SMCHD1: variants seen among roughly 807,000 people sequenced by gnomAD.
The protein encoded by SMCHD1 is structural maintenance of chromosomes flexible hinge domain containing 1.
A neutral mutation model predicts 254.7 loss-of-function variants in SMCHD1; 78 were observed. The observed-to-expected ratio is 0.31, with a 90% CI of 0.26 to 0.37. SMCHD1 has a LOEUF of 0.37. Ranked by LOEUF, SMCHD1 falls within the 10% of genes least tolerant of loss-of-function variation. The pLI is 1.00. For missense variants in SMCHD1, 1,840 were observed against 2,408.1 expected (o/e 0.76, Z 4.94); for synonymous variants, 766 against 794.9 (o/e 0.96, Z 0.61).
intron 37 of SMCHD1, among the ~76,000 whole-genome samples, chr18:2,766,255 A>C (rs765701194): frequency 2.0e-5 from 3 of 152,164 alleles, no homozygotes; most frequent in Non-Finnish European, 4.4e-5. Flanking sequence ...GGCCTCCCAA[A>C]GTGCTGGGAT....
intron 1 of SMCHD1, among the ~76,000 whole-genome samples, chr18:2,659,175 T>C (rs2073170359): frequency 6.6e-6 from 1 of 152,228 alleles, no homozygotes; most frequent in African/African-American, 2.4e-5. Context: ...TGGAGTGCAG[T>C]GGTGCCATCT....
chr18:2,715,450 T>TTA (rs56855019), intron 17 of SMCHD1, among the ~76,000 whole-genome samples: 2,878 of 152,226 alleles, frequency 0.019, 66 homozygotes, highest in African/African-American at 0.064. Flanking sequence ...AGTTCTTTTT[T>TTA]AAAAAAACAA....
intron 24 of SMCHD1, 85 bp downstream of exon 24, chr18:2,729,494 T>C: frequency 9.6e-7 from 1 of 1,038,296 alleles, no homozygotes; most frequent in Non-Finnish European, 1.3e-6. Context: ...TTTTGCAAAA[T>C]TGTTAACTTC....
At chr18:2,761,577 G>C (rs965091413) in intron 35 of SMCHD1, among the ~76,000 whole-genome samples, 7 of 152,284 alleles carry the variant, frequency 4.6e-5, no homozygotes, top group African/African-American at 1.7e-4. Context: ...AGCAGTTTGG[G>C]AGGCCGAGGT....
Position 2,776,661 on chromosome 18 carries a change from G to A in SMCHD1, c.5366+737G>A, listed in dbSNP as rs778875382. ...CAGATTACTAAACAAAGCTTTTCAC[G>A]GCCTGTAATTGCATAGGAATGGGGA... On this transcript the variant is annotated intron_variant, in intron 42 of 47. Transcript: ENST00000320876. Among the ~76,000 whole-genome samples the A allele has an allele frequency of 1.1e-3, 162 of 152,126 alleles. 2 individuals carry two copies. Among genetic ancestry groups the A allele is most frequent in the Admixed American group, 4.0e-3 (61 of 15,278 alleles).
chr18:2,709,261 T>C (rs1011101410), intron 17 of SMCHD1, among the ~76,000 whole-genome samples: 1 of 151,024 alleles, frequency 6.6e-6, no homozygotes, highest in Non-Finnish European at 1.5e-5. Flanking sequence ...CACACACACA[T>C]GTATACACAT....
At chr18:2,703,626 C>A in intron 12 of SMCHD1, 66 bp from the exon 13 acceptor site, 14 of 1,311,886 alleles carry the variant, frequency 1.1e-5, no homozygotes, top group Non-Finnish European at 1.5e-5. Flanking sequence ...AAATGAATGA[C>A]AAATGTTTAT....
At chr18:2,701,450 C>T (rs1345517651) in intron 12 of SMCHD1, among the ~76,000 whole-genome samples, 3 of 152,104 alleles carry the variant, frequency 2.0e-5, no homozygotes, top group Non-Finnish European at 2.9e-5. Flanking sequence ...CATGAGCCAT[C>T]GCACCCAGCC....
chr18:2,724,959 T>C lies in SMCHD1; in HGVS notation c.2664T>C (p.Val888=). The change falls in exon 21 of 48, where the codon GTT becomes GTC. Residue 888 remains valine, a synonymous_variant. Transcript: ENST00000320876. ...TKGPNCVIRG[V]TAKGPVNSCQ... is the part of the protein sequence containing the mutation. ...GACCAAATTGTGTAATTCGAGGTGT[T>C]ACAGCCAAGGGCCCTGTAAACTCTT... is the stretch of plus-strand genomic sequence containing the variant. 2 of 1,593,342 alleles carry C rather than the reference T, an allele frequency of 1.3e-6. No individual in the cohort carries two copies. The highest frequency in any genetic ancestry group is 1.7e-6 in the Non-Finnish European group (2 of 1,167,184).
intron 28 of SMCHD1, 33 bp from the exon 29 acceptor site, chr18:2,743,728 C>G: frequency 6.5e-7 from 1 of 1,531,318 alleles, no homozygotes; most frequent in Non-Finnish European, 8.9e-7. Flanking sequence ...AAGTGATACC[C>G]CCTGTCTTTC....
chr18:2,771,458 CT>C, intron 39 of SMCHD1, 74 bp from the exon 40 acceptor site: 1 of 1,118,720 alleles, frequency 8.9e-7, no homozygotes, highest in South Asian at 1.5e-5. Flanking sequence ...ACAAAAGGAA[CT>C]TTAAAATATT....
chr18:2,694,646 C>T lies in SMCHD1; in HGVS notation c.993C>T (p.His331=), dbSNP rs1425400740. The change falls in exon 8 of 48, where the codon CAC becomes CAT. Residue 331 remains histidine (H), a synonymous_variant. Transcript: ENST00000320876. ...AVVITGVQPE[H]IQYLKNYFHL... ...TTATCACAGGGGTACAACCAGAACACATACAGTACTTGAAAAATTATTTCC... is the reference window on the plus strand; with the variant it reads ...TTATCACAGGGGTACAACCAGAACATATACAGTACTTGAAAAATTATTTCC... The T allele has an allele frequency of 1.9e-6, 3 of 1,613,170 alleles. No homozygotes were observed. The Admixed American group carries it at 5.0e-5, about 27-fold the overall frequency.
chr18:2,708,907 T>TATATATAA (rs769432583), intron 17 of SMCHD1, among the ~76,000 whole-genome samples: 2,208 of 44,570 alleles, frequency 0.05, 470 homozygotes, highest in East Asian at 0.11. Context: ...TATATATATA[T>TATATATAA]AACATATTAA....
chr18:2,781,912 G>T (rs1176617633), intron 44 of SMCHD1, among the ~76,000 whole-genome samples: 1 of 152,132 alleles, frequency 6.6e-6, no homozygotes, highest in African/African-American at 2.4e-5. Flanking sequence ...ATCAAGAGGA[G>T]AGCGTTTATA....
At chr18:2,667,301 G>A (rs1278689314) in intron 3 of SMCHD1, among the ~76,000 whole-genome samples, 4 of 151,776 alleles carry the variant, frequency 2.6e-5, no homozygotes, top group African/African-American at 7.3e-5. Context: ...GCTTTCCATC[G>A]CCTGTATACT....
chr18:2,708,409 T>C (rs773241691), intron 17 of SMCHD1, among the ~76,000 whole-genome samples: 1 of 152,146 alleles, frequency 6.6e-6, no homozygotes, highest in Non-Finnish European at 1.5e-5. Flanking sequence ...CGAGCCTATA[T>C]AGTCCCAGCT....
At chr18:2,784,954 A>T (rs976071013) in intron 45 of SMCHD1, 1 of 384,932 alleles carries the variant, frequency 2.6e-6, no homozygotes, top group Non-Finnish European at 5.0e-6. Flanking sequence ...TCTTAAAAAA[A>T]AAAAAAGAAG....
chr18:2,776,698 A>G (rs2076071806), intron 42 of SMCHD1, among the ~76,000 whole-genome samples: 2 of 152,278 alleles, frequency 1.3e-5, no homozygotes, highest in East Asian at 3.9e-4. Context: ...TTGAAGGAGA[A>G]TGGTGTCTCA....
At chr18:2,739,355 G>A in intron 26 of SMCHD1, 77 bp from the exon 27 acceptor site, 1 of 957,822 alleles carries the variant, frequency 1.0e-6, no homozygotes. Flanking sequence ...CATTATATAT[G>A]TGTTATTCTG....
Sources: allele counts gnomAD v4.1 joint callset (sites outside exome capture counted in the v4.1 genomes callset), GRCh38; gene constraint gnomAD v4.1.1; transcripts MANE v1.5; gene names NCBI Gene and HGNC (gene_info 2026-07-23, HGNC 2026-07-21).